ROBO1: variants seen among roughly 807,000 people sequenced by gnomAD.
ROBO1 encodes the protein roundabout homolog 1.
Under a neutral mutation model 195.9 loss-of-function variants are expected in ROBO1, and 149 were observed. The ratio of observed to expected loss-of-function variants is 0.76; its 90% CI spans 0.67 to 0.87. ROBO1 has a LOEUF of 0.87. ROBO1 is among the 40% of genes least tolerant of loss of function. The pLI is 0.00. For synonymous variants in ROBO1, 816 were observed against 733.2 expected (o/e 1.11, Z -1.82); for missense variants, 1,933 against 2,068.3 (o/e 0.93, Z 1.27).
intron 23 of ROBO1, chr3:78,634,333 C>A (rs1227284822): frequency 6.0e-6 from 1 of 165,528 alleles, no homozygotes; most frequent in East Asian, 1.7e-4. Context: ...AAAAATAAAA[C>A]TGAAACCTGT....
At chr3:79,420,899 G>T (rs965897203) in intron 2 of ROBO1, among the ~76,000 whole-genome samples, 4 of 151,956 alleles carry the variant, frequency 2.6e-5, no homozygotes, top group Non-Finnish European at 5.9e-5. Context: ...AATACAAATT[G>T]TTCTACCATA....
At chr3:79,379,219 G>A (rs1433653757) in intron 2 of ROBO1, among the ~76,000 whole-genome samples, 1 of 152,186 alleles carries the variant, frequency 6.6e-6, no homozygotes, top group African/African-American at 2.4e-5. Flanking sequence ...GACTGTGGTA[G>A]TTATTGCTCT....
At chr3:79,339,102 G>C (rs2034802782) in intron 2 of ROBO1, among the ~76,000 whole-genome samples, 3 of 152,108 alleles carry the variant, frequency 2.0e-5, no homozygotes, top group South Asian at 4.1e-4. Context: ...ACTCTCAACA[G>C]TTTTCACACT....
chr3:79,076,657 T>C (rs143187399), intron 3 of ROBO1, among the ~76,000 whole-genome samples: 13 of 151,902 alleles, frequency 8.6e-5, no homozygotes, highest in African/African-American at 3.1e-4. Flanking sequence ...TGTGTTACAC[T>C]TGATGGAAAA....
intron 3 of ROBO1, among the ~76,000 whole-genome samples, chr3:79,025,398 T>C (rs1048064139): frequency 2.0e-5 from 3 of 152,174 alleles, no homozygotes; most frequent in Non-Finnish European, 4.4e-5. Context: ...TTTTATTTTG[T>C]TGCTGCAACC....
chr3:79,125,342 T>C (rs2080194893), intron 3 of ROBO1, 114 bp downstream of exon 3: 1 of 798,458 alleles, frequency 1.3e-6, no homozygotes, highest in African/African-American at 1.7e-5. Context: ...TGAGAAATTG[T>C]GGTTGTTAGC....
chr3:78,607,202 A>T (rs2107294870), intron 28 of ROBO1, 161 bp from the exon 29 acceptor site: 1 of 651,650 alleles, frequency 1.5e-6, no homozygotes, highest in South Asian at 2.2e-5. Context: ...CAATTTTTTA[A>T]AATTTATGTT....
intron 2 of ROBO1, among the ~76,000 whole-genome samples, chr3:79,564,995 T>C (rs985344127): frequency 6.6e-6 from 1 of 152,084 alleles, no homozygotes; most frequent in South Asian, 2.1e-4. Flanking sequence ...ATTGATAAAA[T>C]ACAGATTTCA....
At chr3:78,768,435 G>T (rs2083283464) in intron 4 of ROBO1, among the ~76,000 whole-genome samples, 1 of 151,478 alleles carries the variant, frequency 6.6e-6, no homozygotes, top group Non-Finnish European at 1.5e-5. Flanking sequence ...ATTATAGATG[G>T]GTTGTAAAAT....
chr3:79,332,999 C>T (rs1416951942), intron 2 of ROBO1, among the ~76,000 whole-genome samples: 2 of 151,858 alleles, frequency 1.3e-5, no homozygotes, highest in African/African-American at 2.4e-5. Flanking sequence ...GTCAGGAGTT[C>T]GAGACCAGCC....
chr3:78,668,009 C>T lies in ROBO1; in HGVS notation c.1840G>A (p.Val614Met). The change falls in exon 14 of 31, where the codon GTG (valine) becomes ATG (methionine). Residue 614 changes from valine to methionine, a missense_variant. Transcript: ENST00000464233. ...TTAATGGCAGATGTTTCTGTTTTCA[C>T]ATTCTCTGCTACGGTCTGCCAGCTG... ...GSSWQTVAEN[V>M]KTETSAIKGL... 1 of 1,613,640 alleles carries T rather than the reference C, an allele frequency of 6.2e-7. No homozygotes were observed. The highest frequency in any genetic ancestry group is 8.5e-7 in the Non-Finnish European group (1 of 1,179,738).
chr3:79,429,581 A>T (rs1559893011), intron 2 of ROBO1, among the ~76,000 whole-genome samples: 1 of 152,198 alleles, frequency 6.6e-6, no homozygotes, highest in Admixed American at 6.6e-5. Flanking sequence ...CAACCTGATT[A>T]ACTGGCACTG....
intron 2 of ROBO1, among the ~76,000 whole-genome samples, chr3:79,263,933 G>A (rs573960696): frequency 3.3e-5 from 5 of 152,042 alleles, no homozygotes; most frequent in Admixed American, 6.6e-5. Flanking sequence ...CCTTCTATCC[G>A]ATTCATCATC....
intron 3 of ROBO1, among the ~76,000 whole-genome samples, chr3:78,962,026 G>C (rs1001144935): frequency 2.0e-5 from 3 of 151,884 alleles, no homozygotes; most frequent in Non-Finnish European, 4.4e-5. Flanking sequence ...GTTAAAGCTG[G>C]AAAAAGAACA....
At chr3:78,647,584 G>A (rs765352750) in intron 20 of ROBO1, 45 bp downstream of exon 20, 1 of 1,571,050 alleles carries the variant, frequency 6.4e-7, no homozygotes, top group Non-Finnish European at 8.8e-7. Flanking sequence ...TGGAACACAT[G>A]CCAAACTAAC....
intron 3 of ROBO1, among the ~76,000 whole-genome samples, chr3:79,060,222 G>C (rs1157130123): frequency 6.6e-6 from 1 of 151,948 alleles, no homozygotes; most frequent in Non-Finnish European, 1.5e-5. Context: ...CCTGTTTCCT[G>C]TTAAGATGTT....
At chr3:79,506,032 G>A (rs1012257571) in intron 2 of ROBO1, among the ~76,000 whole-genome samples, 3 of 152,082 alleles carry the variant, frequency 2.0e-5, no homozygotes, top group African/African-American at 7.2e-5. Flanking sequence ...TTAATGTTAA[G>A]CCTGGACTGG....
intron 3 of ROBO1, chr3:79,019,147 A>G: frequency 1.0e-6 from 1 of 986,416 alleles, no homozygotes; most frequent in Non-Finnish European, 1.2e-6. Flanking sequence ...AGGACCGCGG[A>G]CACTCGCACG....
At chr3:79,198,958 A>G (rs1288481393) in intron 2 of ROBO1, among the ~76,000 whole-genome samples, 1 of 152,050 alleles carries the variant, frequency 6.6e-6, no homozygotes. Flanking sequence ...TAAGTATACA[A>G]TCAAGTCATC....
Sources: allele counts gnomAD v4.1 joint callset (sites outside exome capture counted in the v4.1 genomes callset), GRCh38; gene constraint gnomAD v4.1.1; transcripts MANE v1.5; gene names NCBI Gene and HGNC (gene_info 2026-07-23, HGNC 2026-07-21).